NRG1: variants seen among roughly 807,000 people sequenced by gnomAD.
The protein encoded by NRG1 is neuregulin 1.
NRG1 carries 18 observed loss-of-function variants against 63.8 expected under a neutral mutation model. The ratio of observed to expected loss-of-function variants is 0.28; its 90% CI spans 0.19 to 0.42. NRG1 has a LOEUF of 0.42. Among genes scored for constraint, NRG1 ranks in the 10% least tolerant of loss-of-function variants. The pLI, the probability that NRG1 is intolerant of heterozygous loss-of-function variation, is 1.00. For synonymous variants in NRG1, 302 were observed against 301.3 expected (o/e 1.00, Z -0.02); for missense variants, 762 against 814.7 (o/e 0.94, Z 0.79).
At chr8:32,748,407 T>G (rs1204154272) in intron 7 of NRG1, among the ~76,000 whole-genome samples, 1 of 113,280 alleles carries the variant, frequency 8.8e-6, no homozygotes, top group African/African-American at 3.1e-5. Context: ...ATAAAGGAAG[T>G]CCTAGAGCCT....
intron 5 of NRG1, among the ~76,000 whole-genome samples, chr8:32,719,628 T>C (rs760980783): frequency 1.3e-5 from 2 of 152,168 alleles, no homozygotes; most frequent in Non-Finnish European, 2.9e-5. Context: ...AATCAGGATC[T>C]GAATAAAATT....
chr8:32,001,741 C>G (rs1375764657), intron 1 of NRG1, among the ~76,000 whole-genome samples: 1 of 151,906 alleles, frequency 6.6e-6, no homozygotes, highest in Non-Finnish European at 1.5e-5. Flanking sequence ...CTGATGTTTT[C>G]CTAAGTACCA....
intron 1 of NRG1, among the ~76,000 whole-genome samples, chr8:32,160,590 G>T (rs1431934429): frequency 6.6e-6 from 1 of 152,214 alleles, no homozygotes; most frequent in Non-Finnish European, 1.5e-5. Context: ...TGTGATGTGT[G>T]TGCACACGCA....
At chr8:31,779,815 G>A (rs1018994329) in intron 1 of NRG1, among the ~76,000 whole-genome samples, 2 of 152,220 alleles carry the variant, frequency 1.3e-5, no homozygotes, top group African/African-American at 4.8e-5. Context: ...TATATAAAAT[G>A]AGAGGGCTGT....
intron 1 of NRG1, among the ~76,000 whole-genome samples, chr8:31,834,307 G>GCACGCACACACACACA (rs373890145): frequency 0.026 from 3,148 of 119,478 alleles, 49 homozygotes; most frequent in South Asian, 0.065. Flanking sequence ...GCGCACGCGC[G>GCACGCACACACACACA]CACACACACA....
intron 1 of NRG1, among the ~76,000 whole-genome samples, chr8:32,480,365 A>T (rs1181580066): frequency 6.6e-6 from 1 of 152,066 alleles, no homozygotes; most frequent in African/African-American, 2.4e-5. Context: ...GAAAAAATAA[A>T]CTTCAGTGAT....
At chr8:31,997,188 T>C (rs1812143992) in intron 1 of NRG1, among the ~76,000 whole-genome samples, 1 of 36,706 alleles carries the variant, frequency 2.7e-5, no homozygotes, top group Non-Finnish European at 1.8e-4. Flanking sequence ...TGTAACCTTT[T>C]TTTTTTTTTT....
chr8:32,282,992 C>T (rs1370952981), intron 1 of NRG1, among the ~76,000 whole-genome samples: 2 of 152,106 alleles, frequency 1.3e-5, no homozygotes, highest in Non-Finnish European at 2.9e-5. Context: ...GTATCAAAGA[C>T]ATATAATACC....
intron 1 of NRG1, among the ~76,000 whole-genome samples, chr8:31,721,156 CTT>C (rs1298463379): frequency 3.3e-5 from 5 of 152,102 alleles, no homozygotes. Flanking sequence ...GTTTAGGAAA[CTT>C]TGCCAATTTT....
chr8:32,741,881 T>C (rs1176222399), intron 6 of NRG1, 127 bp from the exon 7 acceptor site: 1 of 635,188 alleles, frequency 1.6e-6, no homozygotes, highest in East Asian at 2.7e-5. Context: ...TGTCTTTTCT[T>C]TTCTTTATAT....
At chr8:32,463,093 A>T (rs933474426) in intron 1 of NRG1, among the ~76,000 whole-genome samples, 1 of 151,424 alleles carries the variant, frequency 6.6e-6, no homozygotes, top group African/African-American at 2.4e-5. Context: ...CTTATAGTTC[A>T]CTTAGCAGGT....
chr8:32,046,343 AT>A (rs1443382339), intron 1 of NRG1, among the ~76,000 whole-genome samples: 1 of 152,106 alleles, frequency 6.6e-6, no homozygotes, highest in Non-Finnish European at 1.5e-5. Flanking sequence ...TTATACGTTG[AT>A]TATAGGGATA....
intron 5 of NRG1, among the ~76,000 whole-genome samples, chr8:32,710,445 G>A (rs986462311): frequency 2.0e-5 from 3 of 152,048 alleles, no homozygotes; most frequent in Non-Finnish European, 4.4e-5. Context: ...ACTAAATTTA[G>A]CATTTCATTT....
At chr8:32,269,349 A>G (rs1851312005) in intron 1 of NRG1, among the ~76,000 whole-genome samples, 1 of 152,226 alleles carries the variant, frequency 6.6e-6, no homozygotes, top group African/African-American at 2.4e-5. Context: ...TAGCAATTAT[A>G]GATCAAGGCT....
At chr8:32,355,467 C>T (rs1052266969) in intron 1 of NRG1, among the ~76,000 whole-genome samples, 1 of 151,892 alleles carries the variant, frequency 6.6e-6, no homozygotes, top group African/African-American at 2.4e-5. Context: ...CTCAAAAAAA[C>T]AAAATGGCAA....
chr8:32,636,513 C>A (rs1299362401), intron 5 of NRG1, among the ~76,000 whole-genome samples: 2 of 152,176 alleles, frequency 1.3e-5, no homozygotes, highest in Non-Finnish European at 2.9e-5. Context: ...AAGGTGTGTT[C>A]AGAATGGGAG....
At chr8:31,761,995 A>G (rs556504473) in intron 1 of NRG1, among the ~76,000 whole-genome samples, 65 of 152,332 alleles carry the variant, frequency 4.3e-4, no homozygotes, top group African/African-American at 1.4e-3. Context: ...CTGTGAATAA[A>G]GGCAGTTTAA....
chr8:32,578,723 T>G (rs1481090027), intron 1 of NRG1, among the ~76,000 whole-genome samples: 5 of 152,204 alleles, frequency 3.3e-5, no homozygotes, highest in Non-Finnish European at 7.3e-5. Context: ...TAGATAATTG[T>G]TCAATAGATT....
chr8:32,212,185 C>T (rs1323960687), intron 1 of NRG1, among the ~76,000 whole-genome samples: 1 of 152,078 alleles, frequency 6.6e-6, no homozygotes, highest in Non-Finnish European at 1.5e-5. Context: ...CCTGCCCCAC[C>T]AACTTCATGA....
Sources: gnomAD v4.1 joint callset for allele counts (sites outside exome capture counted in the v4.1 genomes callset) on GRCh38, gnomAD v4.1.1 for gene constraint, MANE v1.5 for transcripts, NCBI Gene and HGNC (gene_info 2026-07-23, HGNC 2026-07-21) for gene names.